The following USP31 variants were observed in gnomAD, a reference collection of about 807,000 sequenced individuals.
The protein encoded by USP31 is ubiquitin specific peptidase 31, also known as ubiquitin carboxyl-terminal hydrolase 31.
Under a neutral mutation model 119.4 loss-of-function variants are expected in USP31, and 44 were observed. The observed-to-expected ratio is 0.37, with a 90% confidence interval of 0.29 to 0.47. The LOEUF (loss-of-function observed/expected upper bound fraction) is 0.47, where lower values mean the gene tolerates loss of function less well. Ranked by LOEUF, USP31 falls within the 20% of genes least tolerant of loss-of-function variation. The probability of loss-of-function intolerance (pLI) is 0.99; values close to 1 mark genes in which losing one functional copy is unlikely to be tolerated. For missense variants in USP31, 1,643 were observed against 1,730.2 expected (o/e 0.95, Z 0.89); for synonymous variants, 749 against 705.6 (o/e 1.06, Z -0.97).
intron 1 of USP31, among the ~76,000 whole-genome samples, chr16:23,126,552 G>A (rs1235993168): frequency 6.6e-6 from 1 of 151,240 alleles, no homozygotes; most frequent in African/African-American, 2.4e-5. Context: ...GTGTGAACCC[G>A]GGAGGTGGGG....
intron 1 of USP31, among the ~76,000 whole-genome samples, chr16:23,148,361 C>CTT (rs1903590735): frequency 6.6e-6 from 1 of 152,222 alleles, no homozygotes; most frequent in South Asian, 2.1e-4. Flanking sequence ...GGCGGATAGT[C>CTT]TTGTTCATTG....
At chr16:23,146,443 G>C (rs1903508440) in intron 1 of USP31, among the ~76,000 whole-genome samples, 1 of 152,124 alleles carries the variant, frequency 6.6e-6, no homozygotes, top group South Asian at 2.1e-4. Flanking sequence ...AGAATTGCTT[G>C]ATTGAACACA....
At chr16:23,089,243 G>A (rs911211432) in intron 7 of USP31, among the ~76,000 whole-genome samples, 1 of 152,156 alleles carries the variant, frequency 6.6e-6, no homozygotes, top group Non-Finnish European at 1.5e-5. Context: ...CTGGGGCTCA[G>A]CTTGGCTGCG....
At position 23,090,660 on chromosome 16, in the gene USP31, A is replaced by G; in HGVS notation, c.1379T>C (p.Val460Ala). The G allele has an allele frequency of 6.2e-7, 1 of 1,613,934 alleles. No homozygotes were observed. Among genetic ancestry groups the G allele is most frequent in the Non-Finnish European group, 8.5e-7 (1 of 1,179,844 alleles). Reference protein sequence around the residue: ...RAGSDKIVLLVCNRACTGQQG... With the variant: ...RAGSDKIVLLACNRACTGQQG... ...TTGCCCAGTGCAGGCTCGGTTACACACCAACAGGACAATCTTGTCGCTGCC... is the reference window on the plus strand; with the variant it reads ...TTGCCCAGTGCAGGCTCGGTTACACGCCAACAGGACAATCTTGTCGCTGCC... Residue 460 changes from valine to alanine, a missense_variant, in exon 7 of 16, where the codon GTG becomes GCG. Transcript: ENST00000219689.
intron 4 of USP31, among the ~76,000 whole-genome samples, chr16:23,105,864 G>A (rs1902078681): frequency 1.3e-5 from 2 of 152,098 alleles, no homozygotes; most frequent in African/African-American, 2.4e-5. Context: ...CATAACTCCT[G>A]GAAATGTTGA....
In USP31 at chr16:23,090,665, C is replaced by A. The variant is rs747645977; in HGVS notation, c.1374G>T (p.Leu458=). 6.2e-7 allele frequency: 1 copy of A among 1,613,856 alleles called. No homozygotes were observed. Reference sequence around the variant, plus strand: ...CAGTGCAGGCTCGGTTACACACCAACAGGACAATCTTGTCGCTGCCTGCTC... The same window carrying A: ...CAGTGCAGGCTCGGTTACACACCAAAAGGACAATCTTGTCGCTGCCTGCTC... ...TSRAGSDKIV[L]LVCNRACTGQ... is the part of the protein sequence containing the mutation. Residue 458 remains leucine (L), a synonymous_variant, in exon 7 of 16, where the codon CTG becomes CTT. Coordinates refer to ENST00000219689, the MANE Select transcript of USP31 (RefSeq NM_020718.4).
chr16:23,083,818 T>G (rs1900962319), intron 11 of USP31, among the ~76,000 whole-genome samples: 1 of 151,866 alleles, frequency 6.6e-6, no homozygotes, highest in Non-Finnish European at 1.5e-5. Context: ...AAAGCTATTT[T>G]CAAATATTCG....
chr16:23,077,030 G>GT (rs1193570693), intron 13 of USP31, among the ~76,000 whole-genome samples: 4 of 152,178 alleles, frequency 2.6e-5, no homozygotes, highest in African/African-American at 9.7e-5. Flanking sequence ...CCTAAAATAT[G>GT]TAAGATACCA....
rs1900087389 is a variant in USP31 at position 23,066,712 on chromosome 16, T to C, written c.*1334A>G. ...GCAGGAAAGTATTGCCAGGAGACCTTGAAAAAGCTTGCAAAACTATATACT... is the reference window on the plus strand; with the variant it reads ...GCAGGAAAGTATTGCCAGGAGACCTCGAAAAAGCTTGCAAAACTATATACT... On this transcript the variant is annotated 3_prime_UTR_variant, in exon 16 of 16. Transcript: ENST00000219689. The C allele has an allele frequency of 6.6e-6, 1 of 152,212 alleles. No individual in the cohort carries two copies. The highest frequency in any genetic ancestry group is 2.4e-5 in the African/African-American group (1 of 41,544). The allele number at this position is 152,212 out of a possible 1,614,324, so 9.4% of individuals were successfully genotyped here.
chr16:23,134,668 C>T (rs1048335447), intron 1 of USP31, among the ~76,000 whole-genome samples: 1 of 68,212 alleles, frequency 1.5e-5, no homozygotes. Flanking sequence ...ACAGTAGAAA[C>T]AAAGCTAAAA....
rs1169043651 is a variant in USP31, at chr16:23,063,113, T to C, written c.*4933A>G. 1.3e-5 allele frequency: 2 copies of C among 152,252 alleles called. No individual in the cohort carries two copies. Among genetic ancestry groups the C allele is most frequent in the Non-Finnish European group, 2.9e-5 (2 of 68,040 alleles). 9.4% of individuals were successfully genotyped at this position (152,252 alleles called of 1,614,324 possible). ...AAGTTCCCCAGCTGATTCTAGTTAA[T>C]GTGGGTCTTCACTATCTCAGACAAG... On this transcript the variant is annotated 3_prime_UTR_variant, in exon 16 of 16. Transcript: ENST00000219689.
Position 23,148,905 on chromosome 16 carries a change from C to T in USP31, c.366G>A (p.Glu122=). 1 of 1,401,544 alleles carries T rather than the reference C, an allele frequency of 7.1e-7. No individual in the cohort carries two copies. The highest frequency in any genetic ancestry group is 9.3e-7 in the Non-Finnish European group (1 of 1,070,258). The allele number at this position is 1,401,544 out of a possible 1,614,324, so 86.8% of individuals were successfully genotyped here. A position where few individuals can be genotyped will look rare whatever the true frequency, so the allele number is the denominator to read the frequency against. ...GGAGCCCCGCCACGCCGGGCACCGG[C>T]TCGGCGGCGCAAGCGGGCGGCGCGG... The part of the protein sequence containing the change: ...ASPAPPACAA[E]PVPGVAGLRN... Residue 122 remains glutamate (E), a synonymous_variant, in exon 1 of 16, where the codon GAG becomes GAA. Coordinates refer to ENST00000219689, the MANE Select transcript of USP31 (RefSeq NM_020718.4).
At chr16:23,125,662 T>C (rs1902830322) in intron 1 of USP31, among the ~76,000 whole-genome samples, 2 of 152,230 alleles carry the variant, frequency 1.3e-5, no homozygotes, top group Admixed American at 1.3e-4. Context: ...TAGTTTATTA[T>C]AACTTTCATG....
rs113492982 is a variant in USP31 at position 23,083,219 on chromosome 16, T to C, written c.1831-662A>G. Among the ~76,000 whole-genome samples the C allele has an allele frequency of 5.6e-3, 859 of 152,272 alleles. 5 individuals carry two copies. The highest frequency in any genetic ancestry group is 0.02 in the African/African-American group (810 of 41,538). ...ATGGAGTACCTGCTCTCATGGAGCATATACTGTCTCAATTCTGTCCCTCAC... is the reference window on the plus strand; with the variant it reads ...ATGGAGTACCTGCTCTCATGGAGCACATACTGTCTCAATTCTGTCCCTCAC... On this transcript the variant is annotated intron_variant, in intron 11 of 15. Coordinates refer to ENST00000219689, the MANE Select transcript of USP31 (RefSeq NM_020718.4).
At chr16:23,140,475 T>C (rs1202158860) in intron 1 of USP31, among the ~76,000 whole-genome samples, 1 of 152,140 alleles carries the variant, frequency 6.6e-6, no homozygotes, top group Non-Finnish European at 1.5e-5. Context: ...AGGCCGAGAA[T>C]CTGCTCCAAA....
At chr16:23,142,572 ACAGT>A (rs1309995323) in intron 1 of USP31, among the ~76,000 whole-genome samples, 2 of 152,214 alleles carry the variant, frequency 1.3e-5, no homozygotes, top group Admixed American at 6.5e-5. Context: ...CACAGAGTTC[ACAGT>A]CAGTGGAAGT....
chr16:23,063,593 A>C lies in USP31; in HGVS notation c.*4453T>G, dbSNP rs1033519768. The C allele has an allele frequency of 6.6e-6, 1 of 152,552 alleles. No homozygotes were observed. The highest frequency in any genetic ancestry group is 1.5e-5 in the Non-Finnish European group (1 of 68,020). 9.4% of individuals were successfully genotyped at this position (152,552 alleles called of 1,614,324 possible). On this transcript the variant is annotated 3_prime_UTR_variant, in exon 16 of 16. Transcript: ENST00000219689. ...CACTTCTGCTTGCAAAATACTTTAC[A>C]ATCTCGCCAATGATCAGAAAAACAG...
chr16:23,123,557 T>A (rs1428703621), intron 1 of USP31, among the ~76,000 whole-genome samples: 1 of 151,560 alleles, frequency 6.6e-6, no homozygotes, highest in Non-Finnish European at 1.5e-5. Context: ...AATAAATAAA[T>A]AAAATAAAAA....
At position 23,069,044 on chromosome 16, in the gene USP31, T is replaced by C. The variant is rs1241116395; in HGVS notation, c.3061A>G (p.Ser1021Gly). ...GAACTGGGGGATCTCTTAGTTGTGCTCTCTGGTTTCTTTGCGAGTGAGCCT... is the reference window on the plus strand; with the variant it reads ...GAACTGGGGGATCTCTTAGTTGTGCCCTCTGGTTTCTTTGCGAGTGAGCCT... Reference protein sequence around the residue: ...HPGSLAKKPESTTKRSPSSKG... With the variant: ...HPGSLAKKPEGTTKRSPSSKG... The change falls in exon 16 of 16, where the codon AGC becomes GGC. Residue 1021 changes from serine (S) to glycine (G), a missense_variant. By Grantham distance (56) the Ser-to-Gly change is moderately conservative (BLOSUM62 0). Coordinates refer to ENST00000219689, the MANE Select transcript of USP31 (RefSeq NM_020718.4). 1.2e-6 allele frequency: 2 copies of C among 1,613,166 alleles called. No homozygotes were observed. Among genetic ancestry groups the C allele is most frequent in the South Asian group, 2.2e-5 (2 of 91,072 alleles).
Sources: gnomAD v4.1 joint callset for allele counts (sites outside exome capture counted in the v4.1 genomes callset) on GRCh38, gnomAD v4.1.1 for gene constraint, MANE v1.5 for transcripts, NCBI Gene and HGNC (gene_info 2026-07-23, HGNC 2026-07-21) for gene names.